PCSK6: variants seen among roughly 807,000 people sequenced by gnomAD.
PCSK6 encodes the protein proprotein convertase subtilisin/kexin type 6.
In PCSK6, 85 loss-of-function variants were observed where a neutral mutation model predicts 123.3. The ratio of observed to expected loss-of-function variants is 0.69; its 90% CI spans 0.58 to 0.83. The LOEUF (loss-of-function observed/expected upper bound fraction) is 0.83, where lower values mean the gene tolerates loss of function less well. Among genes scored for constraint, PCSK6 ranks in the 40% least tolerant of loss-of-function variants. PCSK6 has a pLI of 0.00. For synonymous variants in PCSK6, 508 were observed against 516.0 expected (o/e 0.98, Z 0.21); for missense variants, 1,191 against 1,282.3 (o/e 0.93, Z 1.09).
intron 1 of PCSK6, among the ~76,000 whole-genome samples, chr15:101,457,999 C>A (rs983524344): frequency 1.2e-4 from 19 of 152,182 alleles, no homozygotes; most frequent in Non-Finnish European, 2.4e-4. Context: ...GTCTGCAATA[C>A]CCTCACAGAT....
chr15:101,307,838 T>G (rs1178502659), intron 20 of PCSK6: 2 of 158,570 alleles, frequency 1.3e-5, no homozygotes, highest in African/African-American at 2.4e-5. Flanking sequence ...GTGGGAGAGA[T>G]GCCCCACAAT....
chr15:101,479,132 C>T (rs1283308865), intron 1 of PCSK6, among the ~76,000 whole-genome samples: 2 of 152,208 alleles, frequency 1.3e-5, no homozygotes, highest in East Asian at 3.9e-4. Context: ...ACCCCGCACG[C>T]CATGGCCGAG....
At chr15:101,314,175 G>A (rs1266012167) in intron 19 of PCSK6, among the ~76,000 whole-genome samples, 1 of 152,216 alleles carries the variant, frequency 6.6e-6, no homozygotes, top group African/African-American at 2.4e-5. Context: ...AGGGTTTATA[G>A]GGCAGGGAGG....
chr15:101,397,587 C>G (rs2042450590), intron 7 of PCSK6, among the ~76,000 whole-genome samples: 1 of 152,188 alleles, frequency 6.6e-6, no homozygotes. Flanking sequence ...AGTCACTGAC[C>G]ACACATTGTA....
intron 12 of PCSK6, among the ~76,000 whole-genome samples, chr15:101,366,949 C>CT: frequency 6.6e-6 from 1 of 152,334 alleles, no homozygotes; most frequent in South Asian, 2.1e-4. Context: ...GTCCCTTCAC[C>CT]TGCAGGGCTG....
chr15:101,455,489 G>A (rs1323817211), intron 1 of PCSK6, among the ~76,000 whole-genome samples: 2 of 152,242 alleles, frequency 1.3e-5, no homozygotes, highest in East Asian at 1.9e-4. Context: ...GTCATGGGTG[G>A]TGAGAGTGTC....
intron 7 of PCSK6, among the ~76,000 whole-genome samples, chr15:101,395,541 G>A (rs541200609): frequency 1.2e-4 from 19 of 152,302 alleles, no homozygotes; most frequent in East Asian, 3.9e-4. Context: ...GAAATGAGGC[G>A]AGGAAACAGC....
intron 13 of PCSK6, chr15:101,346,294 T>A (rs1196005794): frequency 6.6e-6 from 1 of 152,282 alleles, no homozygotes; most frequent in Non-Finnish European, 1.5e-5. Context: ...TGGAAAGCAA[T>A]CTACATGTCC....
intron 2 of PCSK6, among the ~76,000 whole-genome samples, chr15:101,432,844 A>G (rs1427351100): frequency 6.6e-6 from 1 of 152,260 alleles, no homozygotes; most frequent in Non-Finnish European, 1.5e-5. Context: ...TAAGGACATA[A>G]GTAAATATGG....
intron 6 of PCSK6, among the ~76,000 whole-genome samples, chr15:101,406,505 T>C (rs570644785): frequency 1.1e-4 from 17 of 152,312 alleles, no homozygotes; most frequent in Admixed American, 9.1e-4. Context: ...GTTTTGTTTT[T>C]GTTTTGTTTT....
chr15:101,363,180 T>C (rs539325417), intron 13 of PCSK6, among the ~76,000 whole-genome samples: 127 of 152,298 alleles, frequency 8.3e-4, no homozygotes, highest in South Asian at 2.7e-3. Flanking sequence ...GTGAGATGCA[T>C]GAGAAAGGCT....
intron 8 of PCSK6, among the ~76,000 whole-genome samples, chr15:101,391,245 T>C (rs1350278938): frequency 6.6e-6 from 1 of 152,190 alleles, no homozygotes; most frequent in African/African-American, 2.4e-5. Flanking sequence ...ATGATATAGA[T>C]TTCAGGGGTT....
intron 1 of PCSK6, among the ~76,000 whole-genome samples, chr15:101,450,060 C>T (rs968837763): frequency 6.6e-6 from 1 of 152,176 alleles, no homozygotes; most frequent in African/African-American, 2.4e-5. Flanking sequence ...ACCTCTCCTC[C>T]TGAGGCGTTC....
chr15:101,349,871 T>C (rs1413222708), intron 13 of PCSK6, among the ~76,000 whole-genome samples: 47 of 152,152 alleles, frequency 3.1e-4, no homozygotes, highest in Admixed American at 3.0e-3. Flanking sequence ...GCTTGTTGGC[T>C]TTCTATCATG....
At chr15:101,415,154 T>TCCTTCTCAG (rs1308893601) in intron 6 of PCSK6, among the ~76,000 whole-genome samples, 5 of 152,200 alleles carry the variant, frequency 3.3e-5, no homozygotes, top group Non-Finnish European at 5.9e-5. Flanking sequence ...TCCATAATCA[T>TCCTTCTCAG]CATGGAAACC....
At chr15:101,444,322 G>A (rs548722604) in intron 1 of PCSK6, among the ~76,000 whole-genome samples, 41 of 152,124 alleles carry the variant, frequency 2.7e-4, no homozygotes, top group Non-Finnish European at 4.4e-4. Flanking sequence ...GCTGGCCCTC[G>A]CTGTAGCACC....
At chr15:101,390,705 G>A (rs2042208204) in intron 8 of PCSK6, among the ~76,000 whole-genome samples, 1 of 152,156 alleles carries the variant, frequency 6.6e-6, no homozygotes, top group Non-Finnish European at 1.5e-5. Flanking sequence ...CAGCCCGAGT[G>A]GGCAAGGAAA....
At chr15:101,466,969 G>A (rs1444637735) in intron 1 of PCSK6, among the ~76,000 whole-genome samples, 1 of 152,150 alleles carries the variant, frequency 6.6e-6, no homozygotes, top group Non-Finnish European at 1.5e-5. Context: ...AAAACCCACT[G>A]AGCTGCATGC....
chr15:101,414,761 T>C (rs1025625550), intron 6 of PCSK6, among the ~76,000 whole-genome samples: 1 of 152,078 alleles, frequency 6.6e-6, no homozygotes, highest in African/African-American at 2.4e-5. Flanking sequence ...GACAGATGGA[T>C]GGATGGATGG....
Sources: allele counts gnomAD v4.1 joint callset (sites outside exome capture counted in the v4.1 genomes callset), GRCh38; gene constraint gnomAD v4.1.1; transcripts MANE v1.5; gene names NCBI Gene and HGNC (gene_info 2026-07-23, HGNC 2026-07-21).